Variants in GALNT18 observed in about 807,000 individuals in gnomAD.
GALNT18 encodes GalNAc-transferase 18.
In GALNT18, 44 loss-of-function variants were observed where a neutral mutation model predicts 69.5. The observed-to-expected ratio is 0.63, with a 90% confidence interval of 0.50 to 0.81. The LOEUF is 0.81. GALNT18 is among the 40% of genes least tolerant of loss of function. The probability of loss-of-function intolerance (pLI) is 0.00; values close to 1 mark genes in which losing one functional copy is unlikely to be tolerated. For missense variants in GALNT18, 715 were observed against 810.0 expected, an observed-to-expected ratio of 0.88 and a Z score of 1.42; for synonymous variants, 364 against 318.2, an observed-to-expected ratio of 1.14 and a Z score of -1.53.
intron 9 of GALNT18, among the ~76,000 whole-genome samples, chr11:11,299,039 T>A (rs949812450): frequency 3.9e-5 from 6 of 152,154 alleles, no homozygotes; most frequent in Non-Finnish European, 8.8e-5. Context: ...ATGTCAATAG[T>A]TTTTGGGGAA....
chr11:11,464,190 T>C (rs1281034200), intron 1 of GALNT18, among the ~76,000 whole-genome samples: 1 of 152,244 alleles, frequency 6.6e-6, no homozygotes, highest in East Asian at 1.9e-4. Context: ...CCCAGGATTT[T>C]CCACAAAGTC....
At chr11:11,302,761 G>A (rs923984840) in intron 9 of GALNT18, among the ~76,000 whole-genome samples, 6 of 152,222 alleles carry the variant, frequency 3.9e-5, no homozygotes, top group Non-Finnish European at 8.8e-5. Flanking sequence ...GGCATGGGGA[G>A]CGACATCGCA....
Position 11,538,403 on chromosome 11 carries a change from G to T in GALNT18, c.235+82956C>A, listed in dbSNP as rs930280436. ...TGTTCATTTCAGCTGAGCCACCCGGGGTGTCTGTCCCCAGACGTGGACACC... is the reference window on the plus strand; with the variant it reads ...TGTTCATTTCAGCTGAGCCACCCGGTGTGTCTGTCCCCAGACGTGGACACC... On this transcript the variant is annotated intron_variant, in intron 1 of 10. Transcript: ENST00000227756. This position sits in a 1 kb window ranked among gnomAD's most constrained non-coding sequence, Gnocchi z 5.2. Among the ~76,000 whole-genome samples, 1 of 152,180 alleles carries T rather than the reference G, an allele frequency of 6.6e-6. No homozygotes were observed. The highest frequency in any genetic ancestry group is 2.4e-5 in the African/African-American group (1 of 41,438).
chr11:11,612,118 T>A (rs980796319), intron 1 of GALNT18, among the ~76,000 whole-genome samples: 4 of 152,132 alleles, frequency 2.6e-5, no homozygotes, highest in East Asian at 1.9e-4. Context: ...CTACCACCCA[T>A]CAGCCCTGTG....
At chr11:11,330,857 T>A (rs1454929512) in intron 8 of GALNT18, among the ~76,000 whole-genome samples, 1 of 152,212 alleles carries the variant, frequency 6.6e-6, no homozygotes, top group African/African-American at 2.4e-5. Flanking sequence ...ACCTCTACTG[T>A]TACTGCTTCT....
At chr11:11,445,004 C>G (rs143166250) in intron 2 of GALNT18, among the ~76,000 whole-genome samples, 1 of 152,352 alleles carries the variant, frequency 6.6e-6, no homozygotes, top group Non-Finnish European at 1.5e-5. Flanking sequence ...AGGCATCATT[C>G]TGAGCCTTGG....
rs1167858933 is a variant in GALNT18, at chr11:11,421,612, G to A, written c.595+11009C>T. Reference sequence around the variant, plus strand: ...AGGAAACAGAGGCAGGCCAAACGCAGGACCAATGCAGAGAAGGTTGGGGAA... The same window carrying A: ...AGGAAACAGAGGCAGGCCAAACGCAAGACCAATGCAGAGAAGGTTGGGGAA... On this transcript the variant is annotated intron_variant, in intron 3 of 10. Transcript: ENST00000227756. The surrounding 1 kb of genome is among the most constrained non-coding windows in gnomAD (Gnocchi z 5.6). Among the ~76,000 whole-genome samples, 3 of 152,122 alleles carry A rather than the reference G, an allele frequency of 2.0e-5. No homozygotes were observed. Among genetic ancestry groups the A allele is most frequent in the Non-Finnish European group, 4.4e-5 (3 of 68,014 alleles).
chr11:11,381,730 G>C (rs976500199), intron 3 of GALNT18, among the ~76,000 whole-genome samples: 18 of 152,288 alleles, frequency 1.2e-4, no homozygotes, highest in African/African-American at 4.3e-4. Flanking sequence ...CCCCAGACAG[G>C]TGAGTGAGGC....
intron 6 of GALNT18, among the ~76,000 whole-genome samples, chr11:11,345,332 A>G (rs1850283105): frequency 6.6e-6 from 1 of 152,208 alleles, no homozygotes; most frequent in Non-Finnish European, 1.5e-5. Flanking sequence ...AAACAAGAGA[A>G]AGCCTGTGCT....
chr11:11,621,028 T>A lies in GALNT18; in HGVS notation c.235+331A>T, dbSNP rs577346530. Among the ~76,000 whole-genome samples the A allele has an allele frequency of 6.6e-6, 1 of 152,232 alleles. No individual in the cohort carries two copies. Among genetic ancestry groups the A allele is most frequent in the African/African-American group, 2.4e-5 (1 of 41,544 alleles). ...GCACACACACTCTGAGCCGGACTTG[T>A]GTGCGATCCCGAGAGCCCGCGAGCA... On this transcript the variant is annotated intron_variant, in intron 1 of 10. Coordinates refer to ENST00000227756, the MANE Select transcript of GALNT18 (RefSeq NM_198516.3). The surrounding 1 kb of genome is among the most constrained non-coding windows in gnomAD (Gnocchi z 9.3).
intron 2 of GALNT18, among the ~76,000 whole-genome samples, chr11:11,447,899 A>T (rs1203933876): frequency 2.6e-5 from 4 of 152,244 alleles, no homozygotes; most frequent in Non-Finnish European, 5.9e-5. Context: ...ATGCTGGCAC[A>T]GAAGTGCTTA....
At chr11:11,534,883 T>C (rs1346355294) in intron 1 of GALNT18, among the ~76,000 whole-genome samples, 2 of 152,240 alleles carry the variant, frequency 1.3e-5, no homozygotes, top group African/African-American at 2.4e-5. Context: ...CAGCAGTACA[T>C]GCAGCATGCA....
At chr11:11,283,196 A>T (rs1469323106) in intron 10 of GALNT18, among the ~76,000 whole-genome samples, 1 of 152,102 alleles carries the variant, frequency 6.6e-6, no homozygotes, top group African/African-American at 2.4e-5. Flanking sequence ...ACTCTGTCAC[A>T]CAGGCTGGAG....
rs1178340722 is a variant in GALNT18 at position 11,459,261 on chromosome 11, C to T, written c.236-10325G>A. 1.3e-5 allele frequency among the ~76,000 whole-genome samples: 2 copies of T among 152,174 alleles called. No homozygotes were observed. Among genetic ancestry groups the T allele is most frequent in the Non-Finnish European group, 2.9e-5 (2 of 68,030 alleles). ...GGTCCCCACAATTAGGCTTTCTCTTCCTGGAATCCTCAGAGCTGCCAAAAG... is the reference window on the plus strand; with the variant it reads ...GGTCCCCACAATTAGGCTTTCTCTTTCTGGAATCCTCAGAGCTGCCAAAAG... On this transcript the variant is annotated intron_variant, in intron 1 of 10. Coordinates refer to ENST00000227756, the MANE Select transcript of GALNT18 (RefSeq NM_198516.3). The surrounding 1 kb of genome is among the most constrained non-coding windows in gnomAD (Gnocchi z 5.0).
At chr11:11,353,301 T>C (rs1589931000) in intron 6 of GALNT18, 1 of 692,876 alleles carries the variant, frequency 1.4e-6, no homozygotes, top group South Asian at 1.9e-5. Context: ...GGCGATGGAG[T>C]GGGGAGCAAT....
In GALNT18 at chr11:11,356,745, A is replaced by G. The variant is rs1293891248; in HGVS notation, c.1093-15741T>C. On this transcript the variant is annotated intron_variant, in intron 6 of 10. Coordinates refer to ENST00000227756, the MANE Select transcript of GALNT18 (RefSeq NM_198516.3). The surrounding 1 kb of genome is among the most constrained non-coding windows in gnomAD (Gnocchi z 4.4). ...GCTCCCTCATTGAATGCAATTGAAA[A>G]AACCAAAGTGTGAAGACCATTCCTG... Among the ~76,000 whole-genome samples the G allele has an allele frequency of 1.3e-5, 2 of 152,186 alleles. No homozygotes were observed. Among genetic ancestry groups the G allele is most frequent in the Non-Finnish European group, 2.9e-5 (2 of 68,042 alleles).
Position 11,587,664 on chromosome 11 carries a change from T to C in GALNT18, c.235+33695A>G, listed in dbSNP as rs1331774828. Among the ~76,000 whole-genome samples, 1 of 152,108 alleles carries C rather than the reference T, an allele frequency of 6.6e-6. No homozygotes were observed. The highest frequency in any genetic ancestry group is 6.5e-5 in the Admixed American group (1 of 15,270). On this transcript the variant is annotated intron_variant, in intron 1 of 10. Transcript: ENST00000227756. This position sits in a 1 kb window ranked among gnomAD's most constrained non-coding sequence, Gnocchi z 4.4. Reference sequence around the variant, plus strand: ...CCAAAGTTATATCCTAGAGAAGTAATACCAGTCATCAACATCAAAACCAAC... The same window carrying C: ...CCAAAGTTATATCCTAGAGAAGTAACACCAGTCATCAACATCAAAACCAAC...
At chr11:11,611,322 G>A (rs751950008) in intron 1 of GALNT18, among the ~76,000 whole-genome samples, 2 of 152,116 alleles carry the variant, frequency 1.3e-5, no homozygotes, top group African/African-American at 2.4e-5. Flanking sequence ...TCAGACAGTT[G>A]AAAACCAGAG....
Position 11,620,908 on chromosome 11 carries a change from G to A in GALNT18, c.235+451C>T, listed in dbSNP as rs775334920. On this transcript the variant is annotated intron_variant, in intron 1 of 10. Transcript: ENST00000227756. This position sits in a 1 kb window ranked among gnomAD's most constrained non-coding sequence, Gnocchi z 6.9. ...TGCGGGTCTTAACTGCCAATAGTCA[G>A]GGCCGCCGCGCGGGCATCTCGCCTG... Among the ~76,000 whole-genome samples the A allele has an allele frequency of 1.3e-5, 2 of 152,180 alleles. No individual in the cohort carries two copies. Among genetic ancestry groups the A allele is most frequent in the Non-Finnish European group, 2.9e-5 (2 of 68,038 alleles).
Sources: gnomAD v4.1 joint callset for allele counts (sites outside exome capture counted in the v4.1 genomes callset) on GRCh38, gnomAD v4.1.1 for gene constraint, Gnocchi (gnomAD v3.1) non-coding constraint, MANE v1.5 for transcripts, NCBI Gene and HGNC (gene_info 2026-07-23, HGNC 2026-07-21) for gene names.